The following SUCLA2 variants were observed in gnomAD, a reference collection of about 807,000 sequenced individuals.
SUCLA2 encodes the protein succinate-CoA ligase ADP-forming subunit beta, also known as succinate--CoA ligase [ADP-forming] subunit beta, mitochondrial.
Under a neutral mutation model 54.8 loss-of-function variants are expected in SUCLA2, and 30 were observed. The ratio of observed to expected loss-of-function variants is 0.55; its 90% confidence interval spans 0.41 to 0.74. The LOEUF (loss-of-function observed/expected upper bound fraction) is 0.74. SUCLA2 is among the 30% of genes least tolerant of loss of function. The pLI, the probability that SUCLA2 is intolerant of heterozygous loss-of-function variation, is 0.00. For synonymous variants in SUCLA2, 172 were observed against 188.9 expected, an observed-to-expected ratio of 0.91 and a Z score of 0.74; for missense variants, 476 against 562.9, an observed-to-expected ratio of 0.85 and a Z score of 1.56.
At chr13:47,985,339 G>A (rs1406777217) in intron 4 of SUCLA2, among the ~76,000 whole-genome samples, 1 of 151,900 alleles carries the variant, frequency 6.6e-6, no homozygotes, top group Non-Finnish European at 1.5e-5. Flanking sequence ...CATCACCCAG[G>A]TATTAAGCCC....
intron 6 of SUCLA2, among the ~76,000 whole-genome samples, chr13:47,962,148 T>A (rs982084947): frequency 6.6e-6 from 1 of 152,204 alleles, no homozygotes; most frequent in Non-Finnish European, 1.5e-5. Context: ...TTTTTGTTTT[T>A]CAGAGTCTGG....
rs1419922780 is a variant in SUCLA2 at position 47,943,762 on chromosome 13, G to GTATATATATATATATATATATATATA, written c.1318-318_1318-317insTATATATATATATATATATATATATA. On this transcript the variant is annotated intron_variant, in intron 10 of 10. Coordinates refer to ENST00000646932, the MANE Select transcript of SUCLA2 (RefSeq NM_003850.3). Reference sequence around the variant, plus strand: ...TGTATGTATGTGTGTGTGTGTGTGTGTGTGTATATATATATATATTATTCT... The same window carrying GTATATATATATATATATATATATATA: ...TGTATGTATGTGTGTGTGTGTGTGTGTATATATATATATATATATATATATATGTGTATATATATATATATTATTCT... Among the ~76,000 whole-genome samples the GTATATATATATATATATATATATATA allele has an allele frequency of 9.7e-5, 13 of 133,340 alleles. No individual in the cohort carries two copies. In the East Asian group the frequency reaches 1.1e-3, roughly 11 times the overall value. 87.5% of individuals were successfully genotyped at this position (133,340 alleles called of 152,430 possible).
At chr13:47,989,402 A>G (rs4516116) in intron 2 of SUCLA2, among the ~76,000 whole-genome samples, 141,402 of 151,214 alleles carry the variant, frequency 0.94, 66,138 homozygotes, top group East Asian at 1. Context: ...TAGTAGAGAC[A>G]GGGTTTCACC....
intron 6 of SUCLA2, among the ~76,000 whole-genome samples, chr13:47,965,378 C>T (rs184248762): frequency 3.3e-5 from 5 of 151,236 alleles, no homozygotes; most frequent in African/African-American, 4.8e-5. Flanking sequence ...CTGGAACAAA[C>T]CAACATAATG....
In SUCLA2 at chr13:47,997,041, A is replaced by G. The variant is rs775973163; in HGVS notation, c.91-18T>C. 2 of 1,613,718 alleles carry G rather than the reference A, an allele frequency of 1.2e-6. No homozygotes were observed. Among genetic ancestry groups the G allele is most frequent in the African/African-American group, 1.3e-5 (1 of 74,916 alleles). On this transcript the variant is annotated intron_variant, in intron 1 of 10. Coordinates refer to ENST00000646932, the MANE Select transcript of SUCLA2 (RefSeq NM_003850.3). Reference sequence around the variant, plus strand: ...CCCAGAACCTAGAAAGATTGGGGACATATTTATATATGACAGTGATTTGGC... The same window carrying G: ...CCCAGAACCTAGAAAGATTGGGGACGTATTTATATATGACAGTGATTTGGC...
chr13:47,954,580 A>T (rs563521608), intron 6 of SUCLA2, 23 bp from the exon 7 acceptor site: 1 of 1,611,820 alleles, frequency 6.2e-7, no homozygotes, highest in East Asian at 2.2e-5. Flanking sequence ...AAAGAGAAAA[A>T]TGACCTTAAT....
intron 6 of SUCLA2, among the ~76,000 whole-genome samples, chr13:47,959,597 C>A (rs1949851548): frequency 6.6e-6 from 1 of 151,882 alleles, no homozygotes; most frequent in Non-Finnish European, 1.5e-5. Flanking sequence ...AAATCTGGTA[C>A]TGATTGGAAA....
At chr13:47,980,366 G>A (rs1021610944) in intron 4 of SUCLA2, among the ~76,000 whole-genome samples, 5 of 151,954 alleles carry the variant, frequency 3.3e-5, no homozygotes, top group Non-Finnish European at 5.9e-5. Context: ...AGTGAGCTGA[G>A]ATCATACCAC....
chr13:47,955,573 G>A (rs569838579), intron 6 of SUCLA2, among the ~76,000 whole-genome samples: 92 of 152,072 alleles, frequency 6.0e-4, no homozygotes, highest in Non-Finnish European at 9.9e-4. Context: ...AAGTCAAAAG[G>A]GGAAAAGAAA....
intron 4 of SUCLA2, among the ~76,000 whole-genome samples, chr13:47,986,727 G>A (rs1331966680): frequency 6.6e-6 from 1 of 152,114 alleles, no homozygotes; most frequent in Non-Finnish European, 1.5e-5. Context: ...TTTTGTATAT[G>A]GTGTAGGGAA....
rs1422154146 is a variant in SUCLA2, at chr13:48,001,210, C to T, written c.60G>A (p.Arg20=). The T allele has an allele frequency of 6.2e-7, 1 of 1,609,324 alleles. No homozygotes were observed. Among genetic ancestry groups the T allele is most frequent in the Non-Finnish European group, 8.5e-7 (1 of 1,178,672 alleles). ...LVAVATLRNH[R]PRTAQRAAAQ... ...CAGCAGCCCGCTGGGCCGTCCGAGGCCGGTGGTTCCGAAGGGTGGCCACGG... is the reference window on the plus strand; with the variant it reads ...CAGCAGCCCGCTGGGCCGTCCGAGGTCGGTGGTTCCGAAGGGTGGCCACGG... The change falls in exon 1 of 11, where the codon CGG becomes CGA. Residue 20 remains arginine, a synonymous_variant. Transcript: ENST00000646932.
chr13:47,954,902 C>A (rs1475992886), intron 6 of SUCLA2, among the ~76,000 whole-genome samples: 2 of 152,084 alleles, frequency 1.3e-5, no homozygotes, highest in African/African-American at 2.4e-5. Context: ...CATCCCCTCT[C>A]CTCTACTCAA....
chr13:47,999,186 A>T (rs1950210406), intron 1 of SUCLA2, among the ~76,000 whole-genome samples: 1 of 140,922 alleles, frequency 7.1e-6, no homozygotes, highest in South Asian at 2.3e-4. Context: ...TTAAATTTTT[A>T]AAAAATCTAA....
intron 5 of SUCLA2, among the ~76,000 whole-genome samples, chr13:47,969,721 T>A (rs1949947331): frequency 6.6e-6 from 1 of 152,346 alleles, no homozygotes; most frequent in East Asian, 1.9e-4. Context: ...TCTTTTGATT[T>A]TCAATAACAA....
chr13:47,964,701 C>T (rs1426384996), intron 6 of SUCLA2, among the ~76,000 whole-genome samples: 1 of 151,836 alleles, frequency 6.6e-6, no homozygotes, highest in Non-Finnish European at 1.5e-5. Context: ...ACTAAAAATA[C>T]AAAAAATTAG....
At chr13:47,989,797 G>T (rs1950135914) in intron 2 of SUCLA2, among the ~76,000 whole-genome samples, 1 of 152,154 alleles carries the variant, frequency 6.6e-6, no homozygotes, top group Admixed American at 6.5e-5. Context: ...GTCCCACTAA[G>T]AGAAAGTTCT....
intron 1 of SUCLA2, among the ~76,000 whole-genome samples, 183 bp from the exon 2 acceptor site, chr13:47,997,206 C>T (rs1272534198): frequency 6.6e-6 from 1 of 152,194 alleles, no homozygotes; most frequent in Non-Finnish European, 1.5e-5. Flanking sequence ...ACTGTTACCA[C>T]TGTCATTTTA....
intron 10 of SUCLA2, among the ~76,000 whole-genome samples, chr13:47,948,016 C>T (rs906174357): frequency 1.3e-5 from 2 of 152,178 alleles, no homozygotes; most frequent in African/African-American, 4.8e-5. Context: ...TTTCAACAGA[C>T]TGTATTTTTA....
At chr13:47,964,064 CA>C (rs1949895377) in intron 6 of SUCLA2, among the ~76,000 whole-genome samples, 1 of 152,074 alleles carries the variant, frequency 6.6e-6, no homozygotes, top group Admixed American at 6.6e-5. Flanking sequence ...GGAAATAACC[CA>C]AATACCCTTC....
Sources: allele counts gnomAD v4.1 joint callset (sites outside exome capture counted in the v4.1 genomes callset), GRCh38; gene constraint gnomAD v4.1.1; transcripts MANE v1.5; gene names NCBI Gene and HGNC (gene_info 2026-07-23, HGNC 2026-07-21).